AKAP9: variants seen among roughly 807,000 people sequenced by gnomAD.
The protein encoded by AKAP9 is A-kinase anchoring protein 9.
A neutral mutation model predicts 488.5 loss-of-function variants in AKAP9; 311 were observed. The observed-to-expected ratio is 0.64, with a 90% CI of 0.58 to 0.70. AKAP9 has a LOEUF of 0.70. Ranked by LOEUF, AKAP9 falls within the 30% of genes least tolerant of loss-of-function variation. The pLI is 0.00. For synonymous variants in AKAP9, 1,462 were observed against 1,483.5 expected (o/e 0.99, Z 0.33); for missense variants, 4,215 against 4,374.5 (o/e 0.96, Z 1.03).
intron 3 of AKAP9, among the ~76,000 whole-genome samples, chr7:91,981,794 C>CGGGG (rs1221120970): frequency 6.6e-6 from 1 of 151,740 alleles, no homozygotes; most frequent in South Asian, 2.1e-4. Context: ...TTAGTAGAGA[C>CGGGG]GGGGTTTCAC....
Position 92,017,081 on chromosome 7 carries a change from A to T in AKAP9, c.3816A>T (p.Val1272=), listed in dbSNP as rs769925705. Residue 1272 remains valine (V), a synonymous_variant, in exon 12 of 50, where the codon GTA becomes GTT. Coordinates refer to ENST00000356239, the MANE Select transcript of AKAP9 (RefSeq NM_005751.5). ...CAGAAGAATACAACAAACTCTTGGTACTTCAAACACGACTAAGCAAGGTCT... is the reference window on the plus strand; with the variant it reads ...CAGAAGAATACAACAAACTCTTGGTTCTTCAAACACGACTAAGCAAGGTCT... ...KVTEEYNKLL[V]LQTRLSKIWG... The T allele has an allele frequency of 1.9e-6, 3 of 1,583,796 alleles. No individual in the cohort carries two copies. Among genetic ancestry groups the T allele is most frequent in the South Asian group, 1.1e-5 (1 of 88,442 alleles).
In AKAP9 at chr7:92,042,039, T is replaced by C; in HGVS notation, c.4918-7T>C. On this transcript the variant is annotated splice_polypyrimidine_tract_variant and splice_region_variant and intron_variant, in intron 18 of 49. Coordinates refer to ENST00000356239, the MANE Select transcript of AKAP9 (RefSeq NM_005751.5). ...AGTATTCTTTCATGACCTTTTTTCT[T>C]ATTTAGAGATCCTCCATAGATAATG... The C allele has an allele frequency of 1.2e-6, 2 of 1,613,560 alleles. No homozygotes were observed. The highest frequency in any genetic ancestry group is 1.7e-6 in the Non-Finnish European group (2 of 1,179,720).
chr7:91,954,034 G>A (rs1792626941), intron 1 of AKAP9, among the ~76,000 whole-genome samples: 2 of 152,164 alleles, frequency 1.3e-5, no homozygotes, highest in African/African-American at 2.4e-5. Flanking sequence ...GGAGAGAAAA[G>A]AGAGGGTTAT....
At chr7:91,964,800 G>A (rs2130528333) in intron 1 of AKAP9, among the ~76,000 whole-genome samples, 1 of 151,648 alleles carries the variant, frequency 6.6e-6, no homozygotes, top group East Asian at 1.9e-4. Context: ...TTTTTTCATT[G>A]TATTTATTTT....
chr7:92,110,660 C>G lies in AKAP9; in HGVS notation c.*501C>G, dbSNP rs1291423950. On this transcript the variant is annotated 3_prime_UTR_variant, in exon 50 of 50. Coordinates refer to ENST00000356239, the MANE Select transcript of AKAP9 (RefSeq NM_005751.5). ...AAGTACTGAAATAAAAATGACTTCA[C>G]CATTTTCACCACACTGTATTTGAAC... 1 of 196,830 alleles carries G rather than the reference C, an allele frequency of 5.1e-6. No homozygotes were observed. The highest frequency in any genetic ancestry group is 8.2e-5 in the East Asian group (1 of 12,216). 12.2% of individuals were successfully genotyped at this position (196,830 alleles called of 1,614,324 possible).
At chr7:91,943,994 G>A (rs2961020) in intron 1 of AKAP9, among the ~76,000 whole-genome samples, 99,240 of 152,026 alleles carry the variant, frequency 0.65, 32,777 homozygotes, top group East Asian at 0.83. Context: ...AGTTCCATTG[G>A]AAAATTCCCT....
chr7:92,092,259 G>A (rs1047860959), intron 38 of AKAP9: 1 of 152,128 alleles, frequency 6.6e-6, no homozygotes, highest in Non-Finnish European at 1.5e-5. Context: ...GGGTTTGGTT[G>A]GCTTTCAATG....
intron 8 of AKAP9, among the ~76,000 whole-genome samples, chr7:92,010,306 A>T (rs1800518370): frequency 6.6e-6 from 1 of 152,242 alleles, no homozygotes; most frequent in Admixed American, 6.5e-5. Flanking sequence ...TTGTTTACTC[A>T]TGTGGTCCTA....
chr7:92,071,530 T>C (rs886199693), intron 28 of AKAP9, among the ~76,000 whole-genome samples: 1 of 152,102 alleles, frequency 6.6e-6, no homozygotes, highest in African/African-American at 2.4e-5. Flanking sequence ...TTCTCCTTTG[T>C]TTCTCTGCCC....
chr7:91,955,645 A>T (rs1372855743), intron 1 of AKAP9, among the ~76,000 whole-genome samples: 1 of 152,150 alleles, frequency 6.6e-6, no homozygotes, highest in Non-Finnish European at 1.5e-5. Flanking sequence ...GTCAGTAAGT[A>T]TTTGGGTTGT....
At chr7:91,984,036 T>C (rs1286290754) in intron 3 of AKAP9, among the ~76,000 whole-genome samples, 2 of 152,202 alleles carry the variant, frequency 1.3e-5, no homozygotes, top group Non-Finnish European at 2.9e-5. Flanking sequence ...TATTAGCCCT[T>C]TGTCAGATAA....
chr7:92,098,326 T>C, intron 43 of AKAP9, 112 bp downstream of exon 43: 2 of 636,710 alleles, frequency 3.1e-6, no homozygotes, highest in Non-Finnish European at 5.5e-6. Flanking sequence ...GTTTTATTTG[T>C]ATCTTTTTAT....
chr7:92,081,323 A>G (rs533229075), intron 31 of AKAP9, among the ~76,000 whole-genome samples: 1 of 150,028 alleles, frequency 6.7e-6, no homozygotes, highest in East Asian at 1.9e-4. Context: ...TTTTTTCTTG[A>G]GACAGAGTCT....
rs749340561 is a variant in AKAP9 at position 92,029,935 on chromosome 7, C to G, written c.4189C>G (p.Gln1397Glu). The change falls in exon 15 of 50, where the codon CAG becomes GAG. Residue 1397 changes from glutamine (Q) to glutamate (E), a missense_variant. Transcript: ENST00000356239. ...GGTGGTAATTACAGAATCTGATGCA[C>G]AGAGAACAATGTACCCTGGAAGTTG... ...DSVVITESDA[Q>E]RTMYPGSCVK... 1.8e-4 allele frequency: 286 copies of G among 1,612,954 alleles called. No homozygotes were observed. Among genetic ancestry groups the G allele is most frequent in the Non-Finnish European group, 2.4e-4 (278 of 1,179,340 alleles).
intron 7 of AKAP9, among the ~76,000 whole-genome samples, chr7:91,998,341 C>T (rs1356726438): frequency 6.6e-6 from 1 of 150,830 alleles, no homozygotes; most frequent in Non-Finnish European, 1.5e-5. Context: ...CTCCAAACTT[C>T]CCATTGGTGC....
rs35759833 is a variant in AKAP9, at chr7:92,079,584, A to G, written c.7451A>G (p.Lys2484Arg). The G allele has an allele frequency of 0.13, 204,040 of 1,613,678 alleles. 13,938 individuals carry two copies. The highest frequency in any genetic ancestry group is 0.16 in the Middle Eastern group (955 of 6,060). Reference protein sequence around the residue: ...LKSLENQTYFKSFEENGKGSI... With the variant: ...LKSLENQTYFRSFEENGKGSI... Reference sequence around the variant, plus strand: ...TCCCTAGAAAATCAGACATACTTCAAATCTTTTGAAGAAAATGGCAAAGGT... The same window carrying G: ...TCCCTAGAAAATCAGACATACTTCAGATCTTTTGAAGAAAATGGCAAAGGT... The change falls in exon 31 of 50, where the codon AAA becomes AGA. Residue 2484 changes from lysine (K) to arginine (R), a missense_variant. Physicochemically the swap from Lys to Arg is conservative, Grantham distance 26. Transcript: ENST00000356239.
chr7:92,011,573 A>G (rs939588808), intron 8 of AKAP9, among the ~76,000 whole-genome samples: 4 of 152,220 alleles, frequency 2.6e-5, no homozygotes, highest in African/African-American at 9.6e-5. Context: ...AGAGAACCCT[A>G]GAAAAATGTA....
At chr7:92,105,883 G>A (rs1319494126) in intron 47 of AKAP9, 120 bp downstream of exon 47, 1 of 874,110 alleles carries the variant, frequency 1.1e-6, no homozygotes, top group African/African-American at 1.7e-5. Flanking sequence ...CACAGCAGCA[G>A]GTGAGCAGCG....
chr7:92,004,877 G>A (rs1025674879), intron 8 of AKAP9, among the ~76,000 whole-genome samples: 2 of 152,242 alleles, frequency 1.3e-5, no homozygotes, highest in Non-Finnish European at 2.9e-5. Context: ...GGTGAGAGAG[G>A]GCATCCCTGT....
Sources: gnomAD v4.1 joint callset for allele counts (sites outside exome capture counted in the v4.1 genomes callset) on GRCh38, gnomAD v4.1.1 for gene constraint, MANE v1.5 for transcripts, NCBI Gene and HGNC (gene_info 2026-07-23, HGNC 2026-07-21) for gene names.